RGS6: variants seen among roughly 807,000 people sequenced by gnomAD.
The protein encoded by RGS6 is regulator of G protein signaling 6.
A neutral mutation model predicts 78.5 loss-of-function variants in RGS6; 30 were observed. The ratio of observed to expected loss-of-function variants is 0.38; its 90% CI spans 0.29 to 0.52. The LOEUF (loss-of-function observed/expected upper bound fraction) is 0.52. RGS6 is among the 20% of genes least tolerant of loss of function. RGS6 has a pLI of 0.85. For synonymous variants in RGS6, 206 were observed against 206.0 expected (o/e 1.00, Z 0.00); for missense variants, 495 against 609.7 (o/e 0.81, Z 1.98).
chr14:72,099,744 G>A (rs1169179704), intron 2 of RGS6, among the ~76,000 whole-genome samples: 1 of 152,104 alleles, frequency 6.6e-6, no homozygotes, highest in African/African-American at 2.4e-5. Context: ...GCTTTGGCGG[G>A]GATTATTTGT....
the RGS6 span, among the ~76,000 whole-genome samples, chr14:72,598,180 C>A: frequency 6.6e-6 from 1 of 152,334 alleles, no homozygotes. Context: ...CCATGACAGG[C>A]CAGGGCCAGC....
At chr14:72,137,597 C>T (rs1417199986) in intron 2 of RGS6, among the ~76,000 whole-genome samples, 2 of 152,248 alleles carry the variant, frequency 1.3e-5, no homozygotes, top group African/African-American at 2.4e-5. Flanking sequence ...TCACAGAACT[C>T]AGGGAAATGC....
chr14:72,414,331 A>G (rs4480728), intron 3 of RGS6, among the ~76,000 whole-genome samples: 1 of 151,976 alleles, frequency 6.6e-6, no homozygotes, highest in Admixed American at 6.6e-5. Flanking sequence ...TTCATTGATG[A>G]TATCCTTTCT....
At chr14:72,457,084 T>TAAAAAAAAAAAAAAAACAAAAAA in intron 4 of RGS6, among the ~76,000 whole-genome samples, 1 of 82,132 alleles carries the variant, frequency 1.2e-5, no homozygotes, top group Non-Finnish European at 2.3e-5. Context: ...GACCTGTCTC[T>TAAAAAAAAAAAAAAAACAAAAAA]AAAAAAAAAA....
chr14:72,550,089 G>T lies in RGS6; in HGVS notation c.1422+9995G>T, dbSNP rs191908886. 3.3e-5 allele frequency among the ~76,000 whole-genome samples: 5 copies of T among 151,834 alleles called. No individual in the cohort carries two copies. The East Asian group carries it at 9.7e-4, about 29-fold the overall frequency. On this transcript the variant is annotated intron_variant, in intron 17 of 17. Coordinates refer to ENST00000553525, the MANE Select transcript of RGS6 (RefSeq NM_001204424.2). The stretch of plus-strand genomic sequence containing the variant: ...CCAGGGCTGCTTTCAACTCATCGTG[G>T]GATTGTGTAATTATGGTGATTACAG...
At chr14:71,963,485 G>A (rs778419945) in intron 1 of RGS6, among the ~76,000 whole-genome samples, 6 of 152,138 alleles carry the variant, frequency 3.9e-5, no homozygotes, top group Non-Finnish European at 7.4e-5. Context: ...AGGAGACCCT[G>A]TATCCATTAA....
At chr14:71,956,296 G>T (rs1164585585) in intron 1 of RGS6, among the ~76,000 whole-genome samples, 2 of 151,952 alleles carry the variant, frequency 1.3e-5, no homozygotes, top group Non-Finnish European at 2.9e-5. Context: ...CAGAAAGGGG[G>T]TGTATTAGTG....
the RGS6 span, among the ~76,000 whole-genome samples, chr14:72,575,801 T>G: frequency 1.2e-3 from 176 of 152,368 alleles, no homozygotes; most frequent in African/African-American, 3.9e-3. Context: ...GTGCAATTAT[T>G]ATGTGTCCAT....
At chr14:72,087,494 A>G (rs72719805) in intron 2 of RGS6, among the ~76,000 whole-genome samples, 6,976 of 152,288 alleles carry the variant, frequency 0.046, 248 homozygotes, top group Middle Eastern at 0.095. Context: ...GTAGTAAAAC[A>G]TGAATAAACT....
At chr14:72,473,218 T>G (rs563131783) in intron 9 of RGS6, among the ~76,000 whole-genome samples, 1 of 152,142 alleles carries the variant, frequency 6.6e-6, no homozygotes, top group Non-Finnish European at 1.5e-5. Context: ...CCGAGGTGGG[T>G]GGATCACGAG....
At chr14:72,363,999 T>TAAAAAAAAAAAAAAAAAAAAAAAAAAAAA (rs55943058) in intron 3 of RGS6, among the ~76,000 whole-genome samples, 1 of 46,756 alleles carries the variant, frequency 2.1e-5, no homozygotes, top group African/African-American at 6.6e-5. Context: ...TGGACAAGGC[T>TAAAAAAAAAAAAAAAAAAAAAAAAAAAAA]AAAAAAAAAA....
intron 16 of RGS6, among the ~76,000 whole-genome samples, chr14:72,538,664 C>A (rs911981106): frequency 6.6e-6 from 1 of 152,268 alleles, no homozygotes; most frequent in African/African-American, 2.4e-5. Context: ...AGGGTTCAAG[C>A]TGAGTCCTGC....
chr14:72,195,381 C>T (rs2039830990), intron 2 of RGS6, among the ~76,000 whole-genome samples: 1 of 151,998 alleles, frequency 6.6e-6, no homozygotes, highest in South Asian at 2.1e-4. Flanking sequence ...AGGCAGAGGC[C>T]AGGGCTATGT....
At chr14:72,598,797 G>A in the RGS6 span, among the ~76,000 whole-genome samples, 1 of 152,200 alleles carries the variant, frequency 6.6e-6, no homozygotes, top group East Asian at 1.9e-4. Flanking sequence ...CTTCTAGGGG[G>A]CTTTCTATGT....
At chr14:71,891,303 AG>A in the RGS6 span, among the ~76,000 whole-genome samples, 1 of 152,174 alleles carries the variant, frequency 6.6e-6, no homozygotes, top group Non-Finnish European at 1.5e-5. Context: ...AGTTGCCGTC[AG>A]GTGTCTGCGG....
chr14:72,036,200 A>AGTCTTCTTCT (rs138140828), intron 2 of RGS6, among the ~76,000 whole-genome samples: 2 of 146,800 alleles, frequency 1.4e-5, no homozygotes, highest in African/African-American at 5.0e-5. Flanking sequence ...GCATGTAAAC[A>AGTCTTCTTCT]TATTATTATT....
intron 2 of RGS6, among the ~76,000 whole-genome samples, chr14:72,203,876 G>A (rs2042141257): frequency 6.9e-6 from 1 of 144,322 alleles, no homozygotes; most frequent in African/African-American, 2.6e-5. Flanking sequence ...CCAGGCTGGA[G>A]TGCAGTGATA....
chr14:72,068,135 G>GTTT (rs1348726143), intron 2 of RGS6, among the ~76,000 whole-genome samples: 2 of 67,790 alleles, frequency 3.0e-5, no homozygotes, highest in Non-Finnish European at 6.5e-5. Flanking sequence ...ATGTATGTAT[G>GTTT]TATTTTTTTT....
intron 2 of RGS6, among the ~76,000 whole-genome samples, chr14:71,970,791 A>G (rs771646096): frequency 2.0e-5 from 3 of 152,162 alleles, no homozygotes; most frequent in Non-Finnish European, 4.4e-5. Flanking sequence ...GAACTAGACA[A>G]TTACAGTGTT....
Sources: gnomAD v4.1 joint callset for allele counts (sites outside exome capture counted in the v4.1 genomes callset) on GRCh38, gnomAD v4.1.1 for gene constraint, MANE v1.5 for transcripts, NCBI Gene and HGNC (gene_info 2026-07-23, HGNC 2026-07-21) for gene names.